Variants in CADM2 observed in about 807,000 individuals in gnomAD.
CADM2 encodes cell adhesion molecule 2.
A neutral mutation model predicts 49.8 loss-of-function variants in CADM2; 12 were observed. The observed-to-expected ratio is 0.24, with a 90% CI of 0.15 to 0.39. The LOEUF is 0.39. Among genes scored for constraint, CADM2 ranks in the 10% least tolerant of loss-of-function variants. CADM2 has a pLI of 1.00. For missense variants in CADM2, 378 were observed against 492.3 expected (o/e 0.77, Z 2.20); for synonymous variants, 214 against 175.4 (o/e 1.22, Z -1.74).
intron 2 of CADM2, among the ~76,000 whole-genome samples, chr3:85,741,013 C>G (rs2068360767): frequency 6.6e-6 from 1 of 152,114 alleles, no homozygotes; most frequent in African/African-American, 2.4e-5. Context: ...TGAACAGGCA[C>G]TTTTATGTTT....
chr3:85,978,677 T>A (rs544105140), intron 8 of CADM2, among the ~76,000 whole-genome samples: 1 of 151,826 alleles, frequency 6.6e-6, no homozygotes, highest in Admixed American at 6.6e-5. Context: ...TCATTTCCTA[T>A]CATTAAGTCT....
chr3:85,634,949 G>A (rs1420726143), intron 1 of CADM2, among the ~76,000 whole-genome samples: 1 of 151,922 alleles, frequency 6.6e-6, no homozygotes, highest in Non-Finnish European at 1.5e-5. Flanking sequence ...ATGGCTTGTG[G>A]CCCATGTTTC....
intron 1 of CADM2, among the ~76,000 whole-genome samples, chr3:85,477,438 T>C (rs1479481389): frequency 1.3e-5 from 2 of 151,940 alleles, no homozygotes; most frequent in Admixed American, 6.6e-5. Context: ...GTAGTGAGAA[T>C]TGTAACCAAA....
At chr3:85,608,249 A>G (rs1041164962) in intron 1 of CADM2, among the ~76,000 whole-genome samples, 1 of 152,164 alleles carries the variant, frequency 6.6e-6, no homozygotes, top group African/African-American at 2.4e-5. Context: ...CATGTGTTGC[A>G]AAGTATTATA....
intron 1 of CADM2, among the ~76,000 whole-genome samples, chr3:84,980,951 A>G (rs1195019784): frequency 1.3e-5 from 2 of 152,050 alleles, no homozygotes; most frequent in African/African-American, 4.8e-5. Flanking sequence ...GTATTTTGTA[A>G]AATATACTTG....
At chr3:85,798,275 A>C (rs2071752190) in intron 2 of CADM2, among the ~76,000 whole-genome samples, 1 of 152,126 alleles carries the variant, frequency 6.6e-6, no homozygotes, top group Non-Finnish European at 1.5e-5. Context: ...TAGTTTAAGT[A>C]GATCTCATTT....
chr3:85,920,038 A>G (rs1262478121), intron 6 of CADM2, among the ~76,000 whole-genome samples: 1 of 151,864 alleles, frequency 6.6e-6, no homozygotes, highest in Non-Finnish European at 1.5e-5. Flanking sequence ...ACACTACACA[A>G]ACCCGTACGT....
At chr3:85,480,660 A>T (rs2039173506) in intron 1 of CADM2, among the ~76,000 whole-genome samples, 1 of 151,900 alleles carries the variant, frequency 6.6e-6, no homozygotes, top group Non-Finnish European at 1.5e-5. Flanking sequence ...TATCCATAGC[A>T]TATATCATAT....
At chr3:85,183,005 A>G (rs1315953246) in intron 1 of CADM2, among the ~76,000 whole-genome samples, 1 of 152,122 alleles carries the variant, frequency 6.6e-6, no homozygotes, top group Non-Finnish European at 1.5e-5. Context: ...CAATTCAATT[A>G]TGTAAAATAT....
At chr3:85,002,215 T>C (rs116361981) in intron 1 of CADM2, among the ~76,000 whole-genome samples, 3 of 152,112 alleles carry the variant, frequency 2.0e-5, no homozygotes, top group Non-Finnish European at 4.4e-5. Context: ...CTTTGCTCCC[T>C]TTTCCTCTGT....
chr3:85,837,094 A>T (rs2074444367), intron 3 of CADM2, among the ~76,000 whole-genome samples: 1 of 151,560 alleles, frequency 6.6e-6, no homozygotes, highest in South Asian at 2.1e-4. Flanking sequence ...CCATGATCTG[A>T]GATATGATTA....
chr3:85,100,156 C>A (rs2037957622), intron 1 of CADM2, among the ~76,000 whole-genome samples: 2 of 152,126 alleles, frequency 1.3e-5, no homozygotes. Context: ...GTGATGGCTT[C>A]ATGGATTTCT....
In CADM2 at chr3:85,935,807, A is replaced by G. The variant is rs571794557; in HGVS notation, c.741A>G (p.Pro247=). Residue 247 remains proline, a synonymous_variant, in exon 7 of 10, where the codon CCA becomes CCG. Transcript: ENST00000383699. ...SVKIIPSTPF[P]QEGQPLILTC... is the part of the protein sequence containing the mutation. Reference sequence around the variant, plus strand: ...AGATTATACCATCGACTCCTTTTCCACAAGAAGGACAGCCTTTAATTTTGA... The same window carrying G: ...AGATTATACCATCGACTCCTTTTCCGCAAGAAGGACAGCCTTTAATTTTGA... The G allele has an allele frequency of 1.6e-5, 25 of 1,607,178 alleles. No homozygotes were observed. In the African/African-American group the frequency reaches 2.5e-4, roughly 16 times the overall value.
At chr3:85,344,458 A>G (rs1365581267) in intron 1 of CADM2, among the ~76,000 whole-genome samples, 2 of 151,702 alleles carry the variant, frequency 1.3e-5, no homozygotes, top group Admixed American at 6.6e-5. Flanking sequence ...CAAAGCAGAG[A>G]GCATTATTTA....
intron 1 of CADM2, among the ~76,000 whole-genome samples, chr3:85,713,798 C>T (rs2067196762): frequency 6.6e-6 from 1 of 152,206 alleles, no homozygotes; most frequent in Non-Finnish European, 1.5e-5. Flanking sequence ...TAGGTATCTA[C>T]ATGCTCTTTG....
chr3:85,535,553 C>T (rs1310487579), intron 1 of CADM2, among the ~76,000 whole-genome samples: 1 of 152,036 alleles, frequency 6.6e-6, no homozygotes, highest in Non-Finnish European at 1.5e-5. Context: ...GTGGCAACTC[C>T]TTGTATCTAA....
At chr3:85,612,362 G>A (rs115431298) in intron 1 of CADM2, among the ~76,000 whole-genome samples, 4 of 151,896 alleles carry the variant, frequency 2.6e-5, no homozygotes, top group Non-Finnish European at 4.4e-5. Flanking sequence ...AAATTATAGT[G>A]TCTGGGTTTC....
At chr3:85,668,538 C>A (rs573168433) in intron 1 of CADM2, among the ~76,000 whole-genome samples, 2 of 151,978 alleles carry the variant, frequency 1.3e-5, no homozygotes, top group Non-Finnish European at 2.9e-5. Context: ...GGTGGTGTGT[C>A]TTTTCCATGC....
At chr3:85,143,046 G>T (rs1047312388) in intron 1 of CADM2, among the ~76,000 whole-genome samples, 1 of 152,060 alleles carries the variant, frequency 6.6e-6, no homozygotes, top group Admixed American at 6.6e-5. Context: ...TTCCAAATAT[G>T]TCAAGAATTA....
Sources: allele counts gnomAD v4.1 joint callset (sites outside exome capture counted in the v4.1 genomes callset), GRCh38; gene constraint gnomAD v4.1.1; transcripts MANE v1.5; gene names NCBI Gene and HGNC (gene_info 2026-07-23, HGNC 2026-07-21).